C11orf65: variants seen among roughly 807,000 people sequenced by gnomAD.
The protein encoded by C11orf65 is chromosome 11 open reading frame 65, also known as protein MFI.
A neutral mutation model predicts 35.3 loss-of-function variants in C11orf65; 38 were observed. The ratio of observed to expected loss-of-function variants is 1.08; its 90% CI spans 0.83 to 1.41. The LOEUF (loss-of-function observed/expected upper bound fraction) is 1.41, where lower values mean the gene tolerates loss of function less well. C11orf65 is among the 40% of genes most tolerant of loss of function. C11orf65 has a pLI of 0.00. For missense variants in C11orf65, 370 were observed against 367.1 expected, an observed-to-expected ratio of 1.01 and a Z score of -0.06; for synonymous variants, 105 against 114.4, an observed-to-expected ratio of 0.92 and a Z score of 0.53.
At chr11:108,360,122 C>T (rs1286410316) in intron 2 of C11orf65, among the ~76,000 whole-genome samples, 81 of 148,560 alleles carry the variant, frequency 5.5e-4, no homozygotes, top group Non-Finnish European at 8.1e-4. Context: ...ATATCACCAC[C>T]GATCCCACAG....
At chr11:108,359,147 T>C (rs12225206) in intron 2 of C11orf65, among the ~76,000 whole-genome samples, 24,528 of 149,970 alleles carry the variant, frequency 0.16, 2,519 homozygotes, top group East Asian at 0.3. Flanking sequence ...GTTGCAATCC[T>C]AGTCTCTGAT....
At chr11:108,458,304 C>T (rs2093431349) in intron 2 of C11orf65, among the ~76,000 whole-genome samples, 1 of 125,530 alleles carries the variant, frequency 8.0e-6, no homozygotes, top group African/African-American at 3.1e-5. Flanking sequence ...TGGGAGGCGC[C>T]AAAATTACAC....
intron 2 of C11orf65, among the ~76,000 whole-genome samples, chr11:108,457,553 G>C (rs1267589261): frequency 2.0e-5 from 3 of 151,938 alleles, no homozygotes; most frequent in Non-Finnish European, 4.4e-5. Context: ...CTGAGGCAGA[G>C]AACTGATTGA....
chr11:108,398,712 G>A (rs1040451826), intron 6 of C11orf65, among the ~76,000 whole-genome samples: 1 of 152,144 alleles, frequency 6.6e-6, no homozygotes. Flanking sequence ...TGGCACATAT[G>A]GTAGGTGAAT....
At chr11:108,403,401 T>A (rs2138600296) in intron 6 of C11orf65, among the ~76,000 whole-genome samples, 1 of 146,096 alleles carries the variant, frequency 6.8e-6, no homozygotes, top group South Asian at 2.2e-4. Context: ...AATGTGATTG[T>A]TTGAGAGGTT....
At position 108,316,689 on chromosome 11, in the gene C11orf65, C is replaced by A. The variant is rs7116649; in HGVS notation, c.641-7618G>T. On this transcript the variant is annotated intron_variant, in intron 6 of 6. Transcript: ENST00000525729. ...CTTTGGGAGGCCGAGGCGAGCAGAT[C>A]ACGAGGTCAGGAGGTCCAGACCATC... Among the ~76,000 whole-genome samples the A allele has an allele frequency of 3.1e-3, 453 of 146,978 alleles. 4 individuals are homozygous for A. Among genetic ancestry groups the A allele is most frequent in the African/African-American group, 0.01 (400 of 39,818 alleles).
chr11:108,429,561 G>T (rs2092956193), intron 3 of C11orf65, among the ~76,000 whole-genome samples: 1 of 152,184 alleles, frequency 6.6e-6, no homozygotes, highest in African/African-American at 2.4e-5. Flanking sequence ...AAATGGTACA[G>T]CCACTGTGGA....
intron 7 of C11orf65, among the ~76,000 whole-genome samples, chr11:108,388,390 T>G (rs1741361935): frequency 6.6e-6 from 1 of 152,212 alleles, no homozygotes; most frequent in African/African-American, 2.4e-5. Flanking sequence ...ATCACAGAGC[T>G]CATCTTTCTC....
intron 2 of C11orf65, among the ~76,000 whole-genome samples, chr11:108,353,101 T>A (rs566422562): frequency 6.6e-6 from 1 of 152,334 alleles, no homozygotes; most frequent in African/African-American, 2.4e-5. Flanking sequence ...ATCTTTTCTG[T>A]ATGATTTCTT....
rs540054724 is a variant in C11orf65, at chr11:108,310,265, C to T, written c.641-1194G>A. 21 of 1,613,354 alleles carry T rather than the reference C, an allele frequency of 1.3e-5. No individual in the cohort carries two copies. The South Asian group carries it at 1.9e-4, about 14-fold the overall frequency. The stretch of plus-strand genomic sequence containing the variant: ...GTGCTGCTCACTTTACAGCTTTACT[C>T]TATGCAGAAATCTATGCAGATAAGA... On this transcript the variant is annotated intron_variant, in intron 6 of 6. Coordinates refer to the C11orf65 transcript ENST00000525729.
At chr11:108,460,627 T>C (rs750768877) in intron 2 of C11orf65, among the ~76,000 whole-genome samples, 3 of 152,230 alleles carry the variant, frequency 2.0e-5, no homozygotes, top group Non-Finnish European at 4.4e-5. Flanking sequence ...CTTTCATTGA[T>C]AGCCATTATA....
chr11:108,450,852 C>G (rs556117190), intron 2 of C11orf65, among the ~76,000 whole-genome samples: 1 of 151,844 alleles, frequency 6.6e-6, no homozygotes, highest in Admixed American at 6.6e-5. Context: ...GCTGGTTCAA[C>G]GTACACAAAT....
At chr11:108,412,862 A>G (rs2092681267) in intron 3 of C11orf65, among the ~76,000 whole-genome samples, 1 of 152,228 alleles carries the variant, frequency 6.6e-6, no homozygotes, top group Non-Finnish European at 1.5e-5. Context: ...GTCAGGACTA[A>G]ATGGAGCATT....
downstream of C11orf65, among the ~76,000 whole-genome samples, chr11:108,328,111 C>T (rs1034922517): frequency 5.3e-5 from 8 of 152,186 alleles, no homozygotes; most frequent in African/African-American, 1.4e-4. Context: ...CCCAGCCACC[C>T]ACAAGTAAAG....
intron 3 of C11orf65, among the ~76,000 whole-genome samples, chr11:108,429,347 C>T (rs1176965777): frequency 6.6e-6 from 1 of 152,036 alleles, no homozygotes; most frequent in East Asian, 1.9e-4. Flanking sequence ...ACTGTTGAAG[C>T]TAGATGATGG....
intron 6 of C11orf65, among the ~76,000 whole-genome samples, chr11:108,397,883 CAA>C (rs755527216): frequency 7.9e-4 from 121 of 152,266 alleles, no homozygotes; most frequent in Non-Finnish European, 1.6e-3. Context: ...TGTAGGGACT[CAA>C]AGTTTAGTGG....
At chr11:108,379,621 T>G (rs1421662837), downstream of C11orf65, among the ~76,000 whole-genome samples, 2 of 151,184 alleles carry the variant, frequency 1.3e-5, no homozygotes, top group African/African-American at 4.9e-5. Context: ...AAACTTAAAG[T>G]ATAATAATAA....
intron 2 of C11orf65, among the ~76,000 whole-genome samples, chr11:108,363,598 G>GA (rs2091036620): frequency 6.6e-6 from 1 of 152,120 alleles, no homozygotes; most frequent in South Asian, 2.1e-4. Flanking sequence ...GGATGCTGCT[G>GA]AACACCTCAG....
rs530890346 is a variant in C11orf65 at position 108,451,241 on chromosome 11, T to C, written c.81+10238A>G. Among the ~76,000 whole-genome samples the C allele has an allele frequency of 1.1e-4, 16 of 152,098 alleles. No individual in the cohort carries two copies. The South Asian group carries it at 1.7e-3, about 16-fold the overall frequency. ...TGTCTCTGTTTGCAGACGACATGAT[T>C]GTATATTTAGAAAACCCCATCATCT... is the stretch of plus-strand genomic sequence containing the variant. On this transcript the variant is annotated intron_variant, in intron 2 of 8. Transcript: ENST00000393084.
Sources: allele counts gnomAD v4.1 joint callset (sites outside exome capture counted in the v4.1 genomes callset), GRCh38; gene constraint gnomAD v4.1.1; transcripts MANE v1.5; gene names NCBI Gene and HGNC (gene_info 2026-07-23, HGNC 2026-07-21).